The following FGF13 variants were observed in gnomAD, a reference collection of about 807,000 sequenced individuals.
FGF13 encodes the protein fibroblast growth factor 13.
Under a neutral mutation model 19.5 loss-of-function variants are expected in FGF13, and 2 were observed. The ratio of observed to expected loss-of-function variants is 0.10; its 90% confidence interval spans 0.04 to 0.32. FGF13 has a LOEUF of 0.32. Ranked by LOEUF, FGF13 falls within the 10% of genes least tolerant of loss-of-function variation. The probability of loss-of-function intolerance (pLI) is 1.00; values close to 1 mark genes in which losing one functional copy is unlikely to be tolerated. For synonymous variants in FGF13, 72 were observed against 76.9 expected, an observed-to-expected ratio of 0.94 and a Z score of 0.33; for missense variants, 113 against 192.7, an observed-to-expected ratio of 0.59 and a Z score of 2.45.
chrX:138,900,541 C>T (rs1453800130), intron 1 of FGF13, among the ~76,000 whole-genome samples: 2 of 111,366 alleles, frequency 1.8e-5, no homozygotes, highest in Non-Finnish European at 3.8e-5. Flanking sequence ...AGCCACAACC[C>T]TAGTCCAAGA....
At chrX:138,878,633 G>T (rs1353080060) in intron 1 of FGF13, among the ~76,000 whole-genome samples, 1 of 108,701 alleles carries the variant, frequency 9.2e-6, no homozygotes, top group Non-Finnish European at 1.9e-5. Flanking sequence ...TGTCTTTATA[G>T]CAGCATGATT....
chrX:139,164,444 G>A (rs1257922793), intron 1 of FGF13, among the ~76,000 whole-genome samples: 14 of 111,130 alleles, frequency 1.3e-4, no homozygotes, highest in Non-Finnish European at 9.4e-5. Flanking sequence ...TGTAATCTCT[G>A]CACTTTTAGA....
chrX:138,916,065 A>G (rs148537998), intron 1 of FGF13, among the ~76,000 whole-genome samples: 120 of 111,942 alleles, frequency 1.1e-3, no homozygotes, highest in African/African-American at 2.8e-3. Context: ...TTCTTTTTCA[A>G]TTGGTCCTGC....
At chrX:138,851,326 CA>C (rs750968197) in intron 3 of FGF13, among the ~76,000 whole-genome samples, 1 of 111,910 alleles carries the variant, frequency 8.9e-6, no homozygotes, top group African/African-American at 3.2e-5. Flanking sequence ...CTGTCTTCCA[CA>C]ATGGTTGAAC....
intron 3 of FGF13, among the ~76,000 whole-genome samples, chrX:138,805,585 A>C (rs1246757724): frequency 8.9e-6 from 1 of 112,023 alleles, no homozygotes; most frequent in African/African-American, 3.2e-5. Flanking sequence ...AGTTGGAATG[A>C]GAAACAAAAA....
At chrX:138,863,675 C>T (rs766930228) in intron 2 of FGF13, among the ~76,000 whole-genome samples, 7 of 111,661 alleles carry the variant, frequency 6.3e-5, no homozygotes, top group Non-Finnish European at 1.3e-4. Flanking sequence ...TGCTATGAAG[C>T]GGTAATAAAT....
At chrX:138,673,217 A>T (rs2089631904) in intron 3 of FGF13, among the ~76,000 whole-genome samples, 1 of 111,041 alleles carries the variant, frequency 9.0e-6, no homozygotes, top group East Asian at 2.9e-4. Context: ...ATAAAGGAAT[A>T]TTTTTTCTCA....
At chrX:138,639,461 A>G (rs1042303392) in intron 3 of FGF13, among the ~76,000 whole-genome samples, 1 of 112,377 alleles carries the variant, frequency 8.9e-6, no homozygotes, top group Non-Finnish European at 1.9e-5. Flanking sequence ...TTCCCTGCAT[A>G]GTTACTGAGA....
At chrX:138,935,994 A>C (rs1416698050) in intron 1 of FGF13, among the ~76,000 whole-genome samples, 1 of 112,535 alleles carries the variant, frequency 8.9e-6, no homozygotes, top group Admixed American at 9.4e-5. Context: ...TAAAAACTTC[A>C]TCTCTCCATT....
At chrX:138,749,100 G>A (rs2090377561) in intron 3 of FGF13, among the ~76,000 whole-genome samples, 1 of 111,097 alleles carries the variant, frequency 9.0e-6, no homozygotes, top group African/African-American at 3.3e-5. Flanking sequence ...TCAATGCAAA[G>A]GAGAAGTTCT....
intron 1 of FGF13, among the ~76,000 whole-genome samples, chrX:139,168,870 C>T (rs1226826531): frequency 8.9e-6 from 1 of 111,961 alleles, no homozygotes; most frequent in Non-Finnish European, 1.9e-5. Flanking sequence ...ATATAAGATG[C>T]TCATGCCCAT....
At chrX:138,891,220 G>A (rs752706492) in intron 1 of FGF13, among the ~76,000 whole-genome samples, 11 of 111,917 alleles carry the variant, frequency 9.8e-5, no homozygotes, top group Non-Finnish European at 2.1e-4. Context: ...GGGAGGCGGA[G>A]CTTGCAGTGA....
intron 3 of FGF13, among the ~76,000 whole-genome samples, chrX:138,852,400 G>A (rs1022970066): frequency 5.4e-5 from 6 of 111,042 alleles, no homozygotes; most frequent in Non-Finnish European, 1.1e-4. Context: ...AAATAAGACC[G>A]CACACCTACA....
chrX:139,004,253 G>A (rs967888181), intron 1 of FGF13, among the ~76,000 whole-genome samples: 59 of 112,798 alleles, frequency 5.2e-4, no homozygotes, highest in African/African-American at 1.8e-3. Context: ...TACACCCTCC[G>A]CAGCCACTGG....
intron 3 of FGF13, among the ~76,000 whole-genome samples, chrX:138,817,004 TA>T (rs1369500928): frequency 2.7e-5 from 3 of 112,250 alleles, no homozygotes; most frequent in Non-Finnish European, 5.6e-5. Context: ...GTGAAAAGAA[TA>T]TTTTACAAAT....
At chrX:139,132,318 T>C (rs1331300197) in intron 1 of FGF13, among the ~76,000 whole-genome samples, 2 of 111,953 alleles carry the variant, frequency 1.8e-5, no homozygotes, top group South Asian at 3.7e-4. Flanking sequence ...TTTGGCAACA[T>C]ACAACACTAT....
intron 3 of FGF13, among the ~76,000 whole-genome samples, chrX:138,676,918 G>C (rs2089673737): frequency 8.9e-6 from 1 of 112,251 alleles, no homozygotes; most frequent in Admixed American, 9.4e-5. Flanking sequence ...GAATTATAGA[G>C]TACATCATCC....
intron 1 of FGF13, among the ~76,000 whole-genome samples, chrX:139,077,400 T>C (rs752347055): frequency 4.8e-4 from 54 of 111,999 alleles, no homozygotes; most frequent in Middle Eastern, 4.6e-3. Context: ...CAGGGAATTT[T>C]TGTTATACTC....
rs75832027 is a variant in FGF13, at chrX:139,054,548, A to T, written c.-113+148868T>A. Among the ~76,000 whole-genome samples the T allele has an allele frequency of 3.6e-5, 4 of 111,335 alleles. No individual in the cohort carries two copies. The Admixed American group carries it at 3.8e-4, about 11-fold the overall frequency. ...CTATTTGCTTAGTCTTGTTTTGGCTATGTGTACTCTTTTTTTGGTCCCATA... is the reference window on the plus strand; with the variant it reads ...CTATTTGCTTAGTCTTGTTTTGGCTTTGTGTACTCTTTTTTTGGTCCCATA... On this transcript the variant is annotated intron_variant, in intron 1 of 2. Coordinates refer to the FGF13 transcript ENST00000421460.
Sources: gnomAD v4.1 joint callset for allele counts (sites outside exome capture counted in the v4.1 genomes callset) on GRCh38, gnomAD v4.1.1 for gene constraint, MANE v1.5 for transcripts, NCBI Gene and HGNC (gene_info 2026-07-23, HGNC 2026-07-21) for gene names.